The following RBM41 variants were observed in gnomAD, a reference collection of about 807,000 sequenced individuals.
RBM41 encodes RNA-binding protein 41.
A neutral mutation model predicts 30.8 loss-of-function variants in RBM41; 14 were observed. The observed-to-expected ratio is 0.45, with a 90% CI of 0.30 to 0.71. RBM41 has a LOEUF of 0.71. RBM41 is among the 30% of genes least tolerant of loss of function. The pLI is 0.08. For missense variants in RBM41, 276 were observed against 326.3 expected, an observed-to-expected ratio of 0.85 and a Z score of 1.19; for synonymous variants, 120 against 110.1, an observed-to-expected ratio of 1.09 and a Z score of -0.56.
chrX:107,052,126 T>A, the RBM41 span, among the ~76,000 whole-genome samples: 1 of 111,553 alleles, frequency 9.0e-6, no homozygotes, highest in Non-Finnish European at 1.9e-5. Context: ...ATTTTAATTA[T>A]TTTTTGCAGT....
chrX:107,087,254 G>T (rs1180831859), intron 6 of RBM41, among the ~76,000 whole-genome samples: 1 of 110,795 alleles, frequency 9.0e-6, no homozygotes, highest in African/African-American at 3.3e-5. Flanking sequence ...TATAACTTTT[G>T]GTATATTAAT....
chrX:107,090,833 G>A (rs951066065), intron 5 of RBM41, among the ~76,000 whole-genome samples: 1 of 110,113 alleles, frequency 9.1e-6, no homozygotes, highest in African/African-American at 3.3e-5. Flanking sequence ...GGATACATGT[G>A]CTGAATATGC....
chrX:107,118,808 T>G lies in RBM41; in HGVS notation c.-35A>C. The G allele has an allele frequency of 8.3e-7, 1 of 1,206,955 alleles. No individual in the cohort carries two copies. Among genetic ancestry groups the G allele is most frequent in the East Asian group, 3.0e-5 (1 of 33,622 alleles). On this transcript the variant is annotated 5_prime_UTR_variant, in exon 1 of 8. Transcript: ENST00000685964. The stretch of plus-strand genomic sequence containing the variant: ...GGCCCCTACCTCCAACTTGGGTAAA[T>G]AGGCCGCGGACCTCAAGTCCCAGAA...
intron 5 of RBM41, among the ~76,000 whole-genome samples, chrX:107,094,453 G>T (rs1348398917): frequency 3.6e-5 from 4 of 112,029 alleles, no homozygotes; most frequent in Admixed American, 9.5e-5. Flanking sequence ...AGTAGGTGCA[G>T]AAAAAGCATT....
At position 107,066,949 on chromosome X, in the gene RBM41, T is replaced by C. The variant is rs980202312; in HGVS notation, c.*578A>G. Reference sequence around the variant, plus strand: ...TAAAATATTTCACTAGAAAAATATATAGCTTTTTGAAGACTGATAACTTGT... The same window carrying C: ...TAAAATATTTCACTAGAAAAATATACAGCTTTTTGAAGACTGATAACTTGT... On this transcript the variant is annotated 3_prime_UTR_variant, in exon 8 of 8. Coordinates refer to ENST00000685964, the MANE Select transcript of RBM41 (RefSeq NM_001324242.2). The C allele has an allele frequency of 1.3e-6, 1 of 749,853 alleles. No homozygotes were observed. Among genetic ancestry groups the C allele is most frequent in the Middle Eastern group, 7.6e-4 (1 of 1,320 alleles). The allele number at this position is 749,853 out of a possible 1,213,427, so 61.8% of individuals were successfully genotyped here.
intron 5 of RBM41, among the ~76,000 whole-genome samples, chrX:107,104,232 T>C (rs1210373217): frequency 2.7e-5 from 3 of 111,855 alleles, no homozygotes; most frequent in Admixed American, 1.9e-4. Context: ...AAATCATTAA[T>C]AAATATTTAA....
chrX:107,084,712 A>G (rs1489120705), intron 6 of RBM41, among the ~76,000 whole-genome samples: 1 of 111,582 alleles, frequency 9.0e-6, no homozygotes, highest in African/African-American at 3.3e-5. Context: ...TGATAAGCAA[A>G]TCTGGGATGT....
chrX:107,054,466 C>A, the RBM41 span, among the ~76,000 whole-genome samples: 1 of 111,735 alleles, frequency 8.9e-6, no homozygotes, highest in African/African-American at 3.3e-5. Flanking sequence ...AACACTGGGG[C>A]TTGGGTTAGG....
chrX:107,110,758 T>C (rs1246894780), intron 5 of RBM41, among the ~76,000 whole-genome samples: 2 of 111,562 alleles, frequency 1.8e-5, no homozygotes, highest in Non-Finnish European at 3.8e-5. Flanking sequence ...TATAGTCAAA[T>C]GATTTTTGAA....
chrX:107,065,635 GT>G lies in RBM41; in HGVS notation c.*1891del, dbSNP rs1230076543. The G allele has an allele frequency of 8.7e-6, 6 of 691,990 alleles. No individual in the cohort carries two copies. In the South Asian group the frequency reaches 2.2e-4, roughly 25 times the overall value. The allele number at this position is 691,990 out of a possible 1,213,427, so 57.0% of individuals were successfully genotyped here. A position where few individuals can be genotyped will look rare whatever the true frequency, so the allele number is the denominator to read the frequency against. ...AGAGAAGAGTAAGTATATGTTTATA[GT>G]TTTTTTATATTAAACTTATTTCCTA... is the stretch of plus-strand genomic sequence containing the variant. On this transcript the variant is annotated 3_prime_UTR_variant, in exon 8 of 8. Coordinates refer to ENST00000685964, the MANE Select transcript of RBM41 (RefSeq NM_001324242.2).
rs762821608 is a variant in RBM41, at chrX:107,116,633, G to A, written c.125+17C>T. ...TAAGAGTCTATGATACTCTCCGTTTGCAAAATCAATACCTACTCCTCAATG... is the reference window on the plus strand; with the variant it reads ...TAAGAGTCTATGATACTCTCCGTTTACAAAATCAATACCTACTCCTCAATG... On this transcript the variant is annotated intron_variant, in intron 2 of 7. Transcript: ENST00000685964. 2 of 1,207,771 alleles carry A rather than the reference G, an allele frequency of 1.7e-6. No homozygotes were observed. Among genetic ancestry groups the A allele is most frequent in the South Asian group, 1.8e-5 (1 of 56,358 alleles).
At chrX:107,116,556 G>A in intron 2 of RBM41, 94 bp downstream of exon 2, 1 of 1,121,201 alleles carries the variant, frequency 8.9e-7, no homozygotes, top group Non-Finnish European at 1.2e-6. Flanking sequence ...AGAAAGGGAG[G>A]TGGGAGAGGA....
Position 107,115,862 on chromosome X carries a change from C to A in RBM41, c.318G>T (p.Lys106Asn). 8.5e-7 allele frequency: 1 copy of A among 1,179,146 alleles called. No homozygotes were observed. The change falls in exon 3 of 8, where the codon AAG (lysine) becomes AAT (asparagine). Residue 106 changes from lysine to asparagine, a missense_variant and splice_region_variant. Physicochemically the swap from Lys to Asn is moderately conservative, Grantham distance 94. Transcript: ENST00000685964. ...LIWKSHVSGE[K>N]KTKLRATPEA... The stretch of plus-strand genomic sequence containing the variant: ...CAAAAAAAAACATTACCCCACTCAC[C>A]TTTTCACCAGAAACATGGCTCTTCC...
chrX:107,113,344 G>C (rs1409383311), intron 5 of RBM41, 53 bp downstream of exon 5: 5 of 977,242 alleles, frequency 5.1e-6, no homozygotes, highest in South Asian at 2.0e-5. Flanking sequence ...TGCTCAACTG[G>C]GACCCTAGGT....
chrX:107,117,623 T>C (rs181840463), intron 1 of RBM41, among the ~76,000 whole-genome samples: 2 of 112,252 alleles, frequency 1.8e-5, no homozygotes, highest in Non-Finnish European at 3.8e-5. Flanking sequence ...TTTAGCCACA[T>C]TGAGTCTAGT....
chrX:107,109,824 C>A lies in RBM41; in HGVS notation c.595+3573G>T, dbSNP rs139286651. On this transcript the variant is annotated intron_variant, in intron 5 of 7. Transcript: ENST00000685964. ...GTTTTAATTTACCTCAAAATATGTT[C>A]TAATATTCCTTTTGATTTCCTTTTA... is the stretch of plus-strand genomic sequence containing the variant. Among the ~76,000 whole-genome samples, 403 of 111,287 alleles carry A rather than the reference C, an allele frequency of 3.6e-3. 1 individual carries two copies. Among genetic ancestry groups the A allele is most frequent in the Non-Finnish European group, 6.4e-3 (339 of 52,756 alleles).
chrX:107,080,353 CA>C (rs1921397859), intron 6 of RBM41, among the ~76,000 whole-genome samples: 1 of 110,614 alleles, frequency 9.0e-6, no homozygotes, highest in Non-Finnish European at 1.9e-5. Flanking sequence ...CCGAGGCAAG[CA>C]AATCACTTGA....
At chrX:107,094,621 C>T (rs1376874230) in intron 5 of RBM41, among the ~76,000 whole-genome samples, 1 of 111,825 alleles carries the variant, frequency 8.9e-6, no homozygotes, top group Admixed American at 9.5e-5. Context: ...AATTATACTG[C>T]AGAGGGGAAT....
chrX:107,107,770 A>G (rs1034473741), intron 5 of RBM41, among the ~76,000 whole-genome samples: 2 of 110,989 alleles, frequency 1.8e-5, no homozygotes, highest in African/African-American at 6.5e-5. Flanking sequence ...GAAGAAATAG[A>G]AAGGGGCTGA....
Sources: allele counts gnomAD v4.1 joint callset (sites outside exome capture counted in the v4.1 genomes callset), GRCh38; gene constraint gnomAD v4.1.1; transcripts MANE v1.5; gene names NCBI Gene and HGNC (gene_info 2026-07-23, HGNC 2026-07-21).